GLYR1: variants seen among roughly 807,000 people sequenced by gnomAD.
The protein encoded by GLYR1 is cytokine-like nuclear factor N-PAC.
GLYR1 carries 21 observed loss-of-function variants against 72.7 expected under a neutral mutation model. That is an observed-to-expected ratio of 0.29 (90% CI 0.20 to 0.42). The LOEUF (loss-of-function observed/expected upper bound fraction) is 0.42. Ranked by LOEUF, GLYR1 falls within the 10% of genes least tolerant of loss-of-function variation. GLYR1 has a pLI of 1.00. For synonymous variants in GLYR1, 392 were observed against 270.2 expected, an observed-to-expected ratio of 1.45 and a Z score of -4.42; for missense variants, 594 against 712.1, an observed-to-expected ratio of 0.83 and a Z score of 1.89.
chr16:4,811,917 GCCC>G (rs1214522290), intron 13 of GLYR1, 115 bp from the exon 14 acceptor site: 1 of 1,413,328 alleles, frequency 7.1e-7, no homozygotes, highest in East Asian at 2.4e-5. Flanking sequence ...CCCTTCACCT[GCCC>G]CCGACAGACT....
intron 15 of GLYR1, among the ~76,000 whole-genome samples, chr16:4,807,826 C>T (rs990087006): frequency 6.6e-6 from 1 of 152,200 alleles, no homozygotes; most frequent in African/African-American, 2.4e-5. Context: ...ATTCTACTAT[C>T]CAGAGAGAAT....
In GLYR1 at chr16:4,831,961, T is replaced by C; in HGVS notation, c.537+18A>G. On this transcript the variant is annotated intron_variant, in intron 5 of 15. Coordinates refer to ENST00000321919, the MANE Select transcript of GLYR1 (RefSeq NM_032569.4). ...AAAGGACATCACTAATCCCGGAAGC[T>C]GCAGAGAGAAAACAAACCTTCTCAT... The C allele has an allele frequency of 1.2e-6, 2 of 1,609,914 alleles. No homozygotes were observed. The highest frequency in any genetic ancestry group is 1.7e-6 in the Non-Finnish European group (2 of 1,178,014).
chr16:4,830,288 G>A (rs779950984), intron 5 of GLYR1, among the ~76,000 whole-genome samples: 16 of 149,874 alleles, frequency 1.1e-4, no homozygotes, highest in Non-Finnish European at 2.1e-4. Flanking sequence ...TTGAACTCCT[G>A]GGCTCATGTG....
chr16:4,833,857 T>C (rs565687533), intron 3 of GLYR1, among the ~76,000 whole-genome samples: 4 of 152,220 alleles, frequency 2.6e-5, no homozygotes, highest in Admixed American at 1.3e-4. Context: ...ATGCAGCTTA[T>C]AGAATCCAAG....
At chr16:4,805,975 T>G (rs2082945296) in intron 15 of GLYR1, among the ~76,000 whole-genome samples, 1 of 152,054 alleles carries the variant, frequency 6.6e-6, no homozygotes, top group South Asian at 2.1e-4. Context: ...AGCGAGACTC[T>G]GTCTCAAAAA....
chr16:4,822,656 TG>T (rs1355676635), intron 7 of GLYR1, among the ~76,000 whole-genome samples: 1 of 152,248 alleles, frequency 6.6e-6, no homozygotes, highest in East Asian at 1.9e-4. Context: ...CCCAAAGTAC[TG>T]GGATGACAGG....
At chr16:4,838,736 G>A (rs1041038692) in intron 3 of GLYR1, among the ~76,000 whole-genome samples, 3 of 151,936 alleles carry the variant, frequency 2.0e-5, no homozygotes, top group Admixed American at 6.6e-5. Flanking sequence ...ACAGGTGCCC[G>A]CCACCACGCC....
intron 15 of GLYR1, among the ~76,000 whole-genome samples, chr16:4,808,744 T>A (rs1386391767): frequency 6.6e-6 from 1 of 152,168 alleles, no homozygotes; most frequent in Non-Finnish European, 1.5e-5. Flanking sequence ...GTTTTTTTTT[T>A]AGATTCAAAT....
chr16:4,817,890 T>TA, intron 9 of GLYR1, 193 bp from the exon 10 acceptor site: 1 of 568,302 alleles, frequency 1.8e-6, no homozygotes, highest in Admixed American at 3.1e-5. Context: ...TGCCATGGTC[T>TA]AAAGCTGTCC....
At chr16:4,846,392 A>G (rs528069119) in intron 1 of GLYR1, among the ~76,000 whole-genome samples, 182 bp from the exon 2 acceptor site, 1 of 152,394 alleles carries the variant, frequency 6.6e-6, no homozygotes, top group South Asian at 2.1e-4. Context: ...ACTTATGTGC[A>G]CAACGCATAT....
At chr16:4,812,309 C>T in intron 12 of GLYR1, 61 bp from the exon 13 acceptor site, 1 of 1,550,774 alleles carries the variant, frequency 6.4e-7, no homozygotes, top group Non-Finnish European at 8.7e-7. Context: ...CTGGGCAGGA[C>T]TCAAGGAGTG....
chr16:4,838,712 G>C (rs554136164), intron 3 of GLYR1, among the ~76,000 whole-genome samples: 3 of 151,818 alleles, frequency 2.0e-5, no homozygotes, highest in Admixed American at 6.6e-5. Flanking sequence ...TCAGCCACCC[G>C]AGTAGCTGGG....
rs931601631 is a variant in GLYR1, at chr16:4,846,708, G to A, written c.39-498C>T. ...CCAAGCGTGCACTGGTCACTGCCAAGCCATCGGTTGTAAAGGAGAAGTCCC... is the reference window on the plus strand; with the variant it reads ...CCAAGCGTGCACTGGTCACTGCCAAACCATCGGTTGTAAAGGAGAAGTCCC... On this transcript the variant is annotated intron_variant, in intron 1 of 15. Transcript: ENST00000321919. 10 of 233,866 alleles carry A rather than the reference G, an allele frequency of 4.3e-5. 1 individual carries two copies. The highest frequency in any genetic ancestry group is 1.8e-3 in the Middle Eastern group (1 of 566). The allele number at this position is 233,866 out of a possible 1,614,324, so 14.5% of individuals were successfully genotyped here.
rs1420729978 is a variant in GLYR1 at position 4,847,170 on chromosome 16, C to T, written c.38+58G>A. ...CAGCTCCAGGGCCGGCAGCGAACCC[C>T]GCGCCCAGGCGGGTAGCTCCCCGGC... On this transcript the variant is annotated intron_variant, in intron 1 of 15. Coordinates refer to ENST00000321919, the MANE Select transcript of GLYR1 (RefSeq NM_032569.4). 3 of 1,525,022 alleles carry T rather than the reference C, an allele frequency of 2.0e-6. No individual in the cohort carries two copies. The South Asian group carries it at 3.5e-5, about 18-fold the overall frequency. 94.5% of individuals were successfully genotyped at this position (1,525,022 alleles called of 1,614,324 possible). A position where few individuals can be genotyped will look rare whatever the true frequency, so the allele number is the denominator to read the frequency against.
At chr16:4,844,754 G>A (rs2085849645) in intron 3 of GLYR1, among the ~76,000 whole-genome samples, 1 of 152,214 alleles carries the variant, frequency 6.6e-6, no homozygotes, top group Non-Finnish European at 1.5e-5. Flanking sequence ...CTAAGTCTCT[G>A]TCTCAAAAAC....
Position 4,814,570 on chromosome 16 carries a change from G to A in GLYR1, c.984C>T (p.Phe328=), listed in dbSNP as rs770749221. ...AEVVSTCDIT[F]ACVSDPKAAK... ...CCGCCTTGGGATCCGACACGCAGGC[G>A]AAAGTGATGTCGCAGGTTGAGACGA... The change falls in exon 11 of 16, where the codon TTC becomes TTT. Residue 328 remains phenylalanine (F), a synonymous_variant. Coordinates refer to ENST00000321919, the MANE Select transcript of GLYR1 (RefSeq NM_032569.4). The A allele has an allele frequency of 1.1e-4, 174 of 1,613,936 alleles. No homozygotes were observed. The highest frequency in any genetic ancestry group is 3.6e-4 in the South Asian group (33 of 91,084).
chr16:4,813,542 C>T (rs929541203), intron 12 of GLYR1, among the ~76,000 whole-genome samples, 195 bp downstream of exon 12: 1 of 152,190 alleles, frequency 6.6e-6, no homozygotes, highest in African/African-American at 2.4e-5. Context: ...AGCCATGCAG[C>T]GACTGCCCAT....
chr16:4,822,485 G>C (rs1027776279), intron 7 of GLYR1, among the ~76,000 whole-genome samples: 3 of 151,268 alleles, frequency 2.0e-5, no homozygotes, highest in Admixed American at 6.6e-5. Flanking sequence ...CTGCCTCCCG[G>C]GTTCAAGCAA....
chr16:4,822,731 G>A, intron 7 of GLYR1, 144 bp downstream of exon 7: 2 of 685,976 alleles, frequency 2.9e-6, no homozygotes, highest in Non-Finnish European at 5.2e-6. Context: ...TCATTAGCGG[G>A]CCCATATGGG....
Sources: gnomAD v4.1 joint callset for allele counts (sites outside exome capture counted in the v4.1 genomes callset) on GRCh38, gnomAD v4.1.1 for gene constraint, MANE v1.5 for transcripts, NCBI Gene and HGNC (gene_info 2026-07-23, HGNC 2026-07-21) for gene names.